PRR36: variants seen among roughly 807,000 people sequenced by gnomAD.
The protein encoded by PRR36 is proline rich 36.
Under a neutral mutation model 58.6 loss-of-function variants are expected in PRR36, and 30 were observed. That is an observed-to-expected ratio of 0.51 (90% CI 0.38 to 0.69). The LOEUF (loss-of-function observed/expected upper bound fraction) is 0.69, where lower values mean the gene tolerates loss of function less well. Among genes scored for constraint, PRR36 ranks in the 30% least tolerant of loss-of-function variants. The pLI, the probability that PRR36 is intolerant of heterozygous loss-of-function variation, is 0.00. For synonymous variants in PRR36, 771 were observed against 829.3 expected (o/e 0.93, Z 1.21); for missense variants, 1,692 against 1,805.6 (o/e 0.94, Z 1.14).
chr19:7,870,669 G>C lies in PRR36; in HGVS notation c.2575C>G (p.Pro859Ala). 7.2e-7 allele frequency: 1 copy of C among 1,384,132 alleles called. No homozygotes were observed. Among genetic ancestry groups the C allele is most frequent in the East Asian group, 2.7e-5 (1 of 36,550 alleles). 85.7% of individuals were successfully genotyped at this position (1,384,132 alleles called of 1,614,324 possible). ...AAAGGAGACAGAGGGGGTGAGGCAG[G>C]GGGAGAGGGAGGGGCCTGCAGAGGA... ...LPPLQAPPSP[P>A]ASPPLSPLAT... The change falls in exon 5 of 6, where the codon CCT becomes GCT. Residue 859 changes from proline to alanine, a missense_variant. Coordinates refer to ENST00000618550, the MANE Select transcript of PRR36 (RefSeq NM_001190467.2).
In PRR36 at chr19:7,873,205, C is replaced by T; in HGVS notation, c.366G>A (p.Gly122=). The T allele has an allele frequency of 6.5e-7, 1 of 1,535,956 alleles. No homozygotes were observed. The highest frequency in any genetic ancestry group is 1.2e-5 in the South Asian group (1 of 84,058). ...GAGAGGGAGCAGGTTACCTGGTGGT[C>T]CCGCTGGCACGCCCTGGGCTAGAAA... The part of the protein sequence containing the change: ...GPVSSPGRAS[G]TTRPGPLGQK... Residue 122 remains glycine (G), a synonymous_variant, in exon 3 of 6, where the codon GGG becomes GGA. Transcript: ENST00000618550. This position sits in a 1 kb window ranked among gnomAD's most constrained non-coding sequence, Gnocchi z 5.0.
At position 7,869,699 on chromosome 19, in the gene PRR36, CT is replaced by C; in HGVS notation, c.3529+15del. On this transcript the variant is annotated intron_variant, in intron 5 of 5. Transcript: ENST00000618550. Reference sequence around the variant, plus strand: ...GACCCCGCCCACAGCCAGGCCGGGTCTGGGGTGCCCCTTACCTGGGGCTCCG... The same window carrying C: ...GACCCCGCCCACAGCCAGGCCGGGTCGGGGTGCCCCTTACCTGGGGCTCCG... 4 of 1,354,524 alleles carry C rather than the reference CT, an allele frequency of 3.0e-6. No individual in the cohort carries two copies. Among genetic ancestry groups the C allele is most frequent in the Non-Finnish European group, 3.8e-6 (4 of 1,057,698 alleles). The allele number at this position is 1,354,524 out of a possible 1,614,324, so 83.9% of individuals were successfully genotyped here. A position where few individuals can be genotyped will look rare whatever the true frequency, so the allele number is the denominator to read the frequency against.
chr19:7,871,589 G>C lies in PRR36; in HGVS notation c.1655C>G (p.Ser552Cys). Residue 552 changes from serine to cysteine, a missense_variant, in exon 5 of 6, where the codon TCT becomes TGT. Coordinates refer to ENST00000618550, the MANE Select transcript of PRR36 (RefSeq NM_001190467.2). Reference protein sequence around the residue: ...SLQDPPLVSPSLLASPPLQAP... With the variant: ...SLQDPPLVSPCLLASPPLQAP... ...CTGCAGAGGCGGTGAGGCCAAAAGA[G>C]AGGGAGAAACTAGAGGAGGATCCTG... 1 of 1,535,964 alleles carries C rather than the reference G, an allele frequency of 6.5e-7. No individual in the cohort carries two copies. Among genetic ancestry groups the C allele is most frequent in the Non-Finnish European group, 8.7e-7 (1 of 1,146,872 alleles).
Position 7,873,401 on chromosome 19 carries a change from G to C in PRR36, c.271+18C>G. 6.6e-7 allele frequency: 1 copy of C among 1,522,420 alleles called. No individual in the cohort carries two copies. The highest frequency in any genetic ancestry group is 1.2e-5 in the South Asian group (1 of 82,800). 94.3% of individuals were successfully genotyped at this position (1,522,420 alleles called of 1,614,324 possible). A position where few individuals can be genotyped will look rare whatever the true frequency, so the allele number is the denominator to read the frequency against. ...GGAGGGAAGATGGGGGCGGAGCTGA[G>C]GAAGGAGGCTGGGGTACCAGGGTTT... On this transcript the variant is annotated intron_variant, in intron 2 of 5. Coordinates refer to ENST00000618550, the MANE Select transcript of PRR36 (RefSeq NM_001190467.2). This position sits in a 1 kb window ranked among gnomAD's most constrained non-coding sequence, Gnocchi z 5.0.
rs895485353 is a variant in PRR36 at position 7,872,143 on chromosome 19, G to A, written c.1101C>T (p.Ala367=). The change falls in exon 5 of 6, where the codon GCC becomes GCT. Residue 367 remains alanine, a synonymous_variant. Transcript: ENST00000618550. The surrounding 1 kb of genome is among the most constrained non-coding windows in gnomAD (Gnocchi z 6.1). ...PHSSSLTCQL[A]TPLPLAPPSP... is the part of the protein sequence containing the mutation. ...AAGGAGGGGCTAGAGGAAGGGGCGTGGCCAACTGACAGGTAAGGCTCGACG... is the reference window on the plus strand; with the variant it reads ...AAGGAGGGGCTAGAGGAAGGGGCGTAGCCAACTGACAGGTAAGGCTCGACG... The A allele has an allele frequency of 4.5e-5, 67 of 1,501,816 alleles. No individual in the cohort carries two copies. The highest frequency in any genetic ancestry group is 5.8e-5 in the Non-Finnish European group (66 of 1,129,084). 93.0% of individuals were successfully genotyped at this position (1,501,816 alleles called of 1,614,324 possible).
At position 7,869,040 on chromosome 19, in the gene PRR36, A is replaced by T. The variant is rs1980238950; in HGVS notation, c.4034T>A (p.Phe1345Tyr). ...GDWTVVEVET[F>Y]H ...GCGGGGCTGTGGTCTGGCTCAGTGG[A>T]AGGTCTCCACCTCCACCACGGTCCA... Residue 1345 changes from phenylalanine to tyrosine, a missense_variant, in exon 6 of 6, where the codon TTC becomes TAC. Coordinates refer to ENST00000618550, the MANE Select transcript of PRR36 (RefSeq NM_001190467.2). 6.6e-7 allele frequency: 1 copy of T among 1,518,336 alleles called. No homozygotes were observed. Among genetic ancestry groups the T allele is most frequent in the African/African-American group, 1.4e-5 (1 of 71,726 alleles). 94.1% of individuals were successfully genotyped at this position (1,518,336 alleles called of 1,614,324 possible). A position where few individuals can be genotyped will look rare whatever the true frequency, so the allele number is the denominator to read the frequency against.
At position 7,872,747 on chromosome 19, in the gene PRR36, C is replaced by G; in HGVS notation, c.497G>C (p.Gly166Ala). The G allele has an allele frequency of 1.4e-6, 2 of 1,464,132 alleles. No individual in the cohort carries two copies. Among genetic ancestry groups the G allele is most frequent in the Non-Finnish European group, 1.8e-6 (2 of 1,111,682 alleles). The allele number at this position is 1,464,132 out of a possible 1,614,324, so 90.7% of individuals were successfully genotyped here. The change falls in exon 5 of 6, where the codon GGG (glycine) becomes GCG (alanine). Residue 166 changes from glycine to alanine, a missense_variant. Physicochemically the swap from Gly to Ala is moderately conservative, Grantham distance 60. Transcript: ENST00000618550. The surrounding 1 kb of genome is among the most constrained non-coding windows in gnomAD (Gnocchi z 6.1). The part of the protein sequence containing the change: ...LSAGARRDTS[G>A]PTPGTPSPAM... ...CGGGGACGGGGTTCCTGGGGTAGGCCCGGAAGTGTCTGGAGAAAAAGTAGA... is the reference window on the plus strand; with the variant it reads ...CGGGGACGGGGTTCCTGGGGTAGGCGCGGAAGTGTCTGGAGAAAAAGTAGA...
chr19:7,869,223 G>A lies in PRR36; in HGVS notation c.3851C>T (p.Ala1284Val). 6.6e-7 allele frequency: 1 copy of A among 1,521,142 alleles called. No homozygotes were observed. The highest frequency in any genetic ancestry group is 8.8e-7 in the Non-Finnish European group (1 of 1,140,710). 94.2% of individuals were successfully genotyped at this position (1,521,142 alleles called of 1,614,324 possible). ...GCCCCCTGTGACGCCACCACCCTCC[G>A]CACCTCCTGGGCCCCCGCCGCTGCC... ...AGGSGGGPGG[A>V]EGGGVTGGAR... is the part of the protein sequence containing the mutation. Residue 1284 changes from alanine (A) to valine (V), a missense_variant, in exon 6 of 6, where the codon GCG becomes GTG. By Grantham distance (64) the Ala-to-Val change is moderately conservative. Transcript: ENST00000618550.
chr19:7,871,134 A>G lies in PRR36; in HGVS notation c.2110T>C (p.Ser704Pro). 1 of 1,535,152 alleles carries G rather than the reference A, an allele frequency of 6.5e-7. No homozygotes were observed. The highest frequency in any genetic ancestry group is 8.7e-7 in the Non-Finnish European group (1 of 1,146,572). The change falls in exon 5 of 6, where the codon TCT becomes CCT. Residue 704 changes from serine (S) to proline (P), a missense_variant. By Grantham distance (74) the Ser-to-Pro change is moderately conservative. Around this residue, in one of 5 missense-constraint regions of PRR36, gnomAD observed 975 missense variants for 955.2 expected, o/e 1.02. Coordinates refer to ENST00000618550, the MANE Select transcript of PRR36 (RefSeq NM_001190467.2). ...LASHSPQAPL[S>P]SLIMPPLETQ... ...TCCAGAGGGGGCATGATCAGGGAAG[A>G]GAGAGGTGCCTGAGGAGAGTGGGAG...
At position 7,869,039 on chromosome 19, in the gene PRR36, G is replaced by A. The variant is rs1178766542; in HGVS notation, c.4035C>T (p.Phe1345=). The change falls in exon 6 of 6, where the codon TTC becomes TTT. Residue 1345 remains phenylalanine, a synonymous_variant. Transcript: ENST00000618550. The part of the protein sequence containing the change: ...GDWTVVEVET[F]H The stretch of plus-strand genomic sequence containing the variant: ...GGCGGGGCTGTGGTCTGGCTCAGTG[G>A]AAGGTCTCCACCTCCACCACGGTCC... 7 of 1,519,142 alleles carry A rather than the reference G, an allele frequency of 4.6e-6. No homozygotes were observed. The highest frequency in any genetic ancestry group is 2.0e-5 in the Admixed American group (1 of 49,516). 94.1% of individuals were successfully genotyped at this position (1,519,142 alleles called of 1,614,324 possible). A position where few individuals can be genotyped will look rare whatever the true frequency, so the allele number is the denominator to read the frequency against.
rs1219643891 is a variant in PRR36 at position 7,871,154 on chromosome 19, T to C, written c.2090A>G (p.His697Arg). Reference sequence around the variant, plus strand: ...GGAAGAGAGAGGTGCCTGAGGAGAGTGGGAGGCCAGAGAAGATAGCGCCTG... The same window carrying C: ...GGAAGAGAGAGGTGCCTGAGGAGAGCGGGAGGCCAGAGAAGATAGCGCCTG... ...PLQALSSLAS[H>R]SPQAPLSSLI... The change falls in exon 5 of 6, where the codon CAC becomes CGC. Residue 697 changes from histidine (H) to arginine (R), a missense_variant. This residue lies in a region of PRR36 where 975 missense variants were observed against 955.2 expected (regional missense o/e 1.02). Coordinates refer to ENST00000618550, the MANE Select transcript of PRR36 (RefSeq NM_001190467.2). The C allele has an allele frequency of 6.6e-7, 1 of 1,519,680 alleles. No individual in the cohort carries two copies. The highest frequency in any genetic ancestry group is 2.0e-5 in the Admixed American group (1 of 49,264). 94.1% of individuals were successfully genotyped at this position (1,519,680 alleles called of 1,614,324 possible).
chr19:7,873,058 G>A lies in PRR36; in HGVS notation c.375-97C>T. The A allele has an allele frequency of 7.5e-7, 1 of 1,331,398 alleles. No individual in the cohort carries two copies. 82.5% of individuals were successfully genotyped at this position (1,331,398 alleles called of 1,614,324 possible). ...TGAAATGGGCATGTGCCCTCTCTGA[G>A]GACCAATAATGGCTTTCACCCAATT... is the stretch of plus-strand genomic sequence containing the variant. On this transcript the variant is annotated intron_variant, in intron 3 of 5. Transcript: ENST00000618550. The surrounding 1 kb of genome is among the most constrained non-coding windows in gnomAD (Gnocchi z 5.0).
Position 7,870,871 on chromosome 19 carries a change from C to T in PRR36, c.2373G>A (p.Leu791=), listed in dbSNP as rs1316400692. 1 of 1,443,342 alleles carries T rather than the reference C, an allele frequency of 6.9e-7. No homozygotes were observed. The highest frequency in any genetic ancestry group is 9.0e-7 in the Non-Finnish European group (1 of 1,105,198). The allele number at this position is 1,443,342 out of a possible 1,614,324, so 89.4% of individuals were successfully genotyped here. A position where few individuals can be genotyped will look rare whatever the true frequency, so the allele number is the denominator to read the frequency against. The part of the protein sequence containing the change: ...ETPPCPAPCP[L]QAPPSPLTTP... ...TGGTCAATGGCGAAGGTGGTGCTTG[C>T]AGAGGGCATGGGGCTGGACAAGGTG... Residue 791 remains leucine (L), a synonymous_variant, in exon 5 of 6, where the codon CTG becomes CTA. Transcript: ENST00000618550.
rs11880731 is a variant in PRR36 at position 7,872,520 on chromosome 19, G to A, written c.724C>T (p.Leu242=). The change falls in exon 5 of 6, where the codon CTG becomes TTG. Residue 242 remains leucine, a synonymous_variant. Coordinates refer to ENST00000618550, the MANE Select transcript of PRR36 (RefSeq NM_001190467.2). The surrounding 1 kb of genome is among the most constrained non-coding windows in gnomAD (Gnocchi z 6.1). ...GAGAGAGGGGTGGCGCTGGAGCTCAGGGAGCGCGAGGCCGGCCTCTGGAGA... is the reference window on the plus strand; with the variant it reads ...GAGAGAGGGGTGGCGCTGGAGCTCAAGGAGCGCGAGGCCGGCCTCTGGAGA... ...GGLQRPASRS[L]SSSATPLSSP... 36 of 1,506,676 alleles carry A rather than the reference G, an allele frequency of 2.4e-5. No homozygotes were observed. In the African/African-American group the frequency reaches 4.2e-4, roughly 18 times the overall value. The allele number at this position is 1,506,676 out of a possible 1,614,324, so 93.3% of individuals were successfully genotyped here. A position where few individuals can be genotyped will look rare whatever the true frequency, so the allele number is the denominator to read the frequency against.
chr19:7,869,986 A>T lies in PRR36; in HGVS notation c.3258T>A (p.Asp1086Glu). Reference protein sequence around the residue: ...APRRPPTPGPDTSVSGPRLTL... With the variant: ...APRRPPTPGPETSVSGPRLTL... ...TCAGCCGTGGGCCCGAGACGGAGGTATCCGGACCCGGGGTCGGGGGGCGGC... is the reference window on the plus strand; with the variant it reads ...TCAGCCGTGGGCCCGAGACGGAGGTTTCCGGACCCGGGGTCGGGGGGCGGC... Residue 1086 changes from aspartate (D) to glutamate (E), a missense_variant, in exon 5 of 6, where the codon GAT (aspartate) becomes GAA (glutamate). By Grantham distance (45) the Asp-to-Glu change is conservative. Around this residue, in one of 5 missense-constraint regions of PRR36, gnomAD observed 485 missense variants for 549.2 expected, o/e 0.88. Coordinates refer to ENST00000618550, the MANE Select transcript of PRR36 (RefSeq NM_001190467.2). 7.1e-7 allele frequency: 1 copy of T among 1,402,032 alleles called. No individual in the cohort carries two copies. The highest frequency in any genetic ancestry group is 9.2e-7 in the Non-Finnish European group (1 of 1,085,394). 86.8% of individuals were successfully genotyped at this position (1,402,032 alleles called of 1,614,324 possible).
rs1356543354 is a variant in PRR36, at chr19:7,868,791, G to A, written c.*242C>T. On this transcript the variant is annotated 3_prime_UTR_variant, in exon 6 of 6. Transcript: ENST00000618550. ...GTGGGCAATACACTGCACACGGGGC[G>A]GGACTCGGGGAAACGGGGCGTGTCC... is the stretch of plus-strand genomic sequence containing the variant. 2 of 474,220 alleles carry A rather than the reference G, an allele frequency of 4.2e-6. No homozygotes were observed. The highest frequency in any genetic ancestry group is 7.4e-6 in the Non-Finnish European group (2 of 269,900). 29.4% of individuals were successfully genotyped at this position (474,220 alleles called of 1,614,324 possible).
chr19:7,869,608 G>C, intron 5 of PRR36, 64 bp from the exon 6 acceptor site: 1 of 1,483,736 alleles, frequency 6.7e-7, no homozygotes, highest in South Asian at 1.3e-5. Flanking sequence ...TCAAGGTCCC[G>C]CCTCCTTGTC....
rs1377888610 is a variant in PRR36 at position 7,871,869 on chromosome 19, A to G, written c.1375T>C (p.Ser459Pro). 2 of 1,535,914 alleles carry G rather than the reference A, an allele frequency of 1.3e-6. No individual in the cohort carries two copies. The change falls in exon 5 of 6, where the codon TCA becomes CCA. Residue 459 changes from serine (S) to proline (P), a missense_variant. Coordinates refer to ENST00000618550, the MANE Select transcript of PRR36 (RefSeq NM_001190467.2). Reference protein sequence around the residue: ...LLSPLATPPLSAMSPLQGPVS... With the variant: ...LLSPLATPPLPAMSPLQGPVS... ...GGGCCTTGTAGAGGAGACATGGCTG[A>G]CAGAGGAGGTGTGGCCAAGGGAGAG... is the stretch of plus-strand genomic sequence containing the variant.
intron 5 of PRR36, 79 bp from the exon 6 acceptor site, chr19:7,869,623 C>A: frequency 6.8e-7 from 1 of 1,465,618 alleles, no homozygotes; most frequent in Admixed American, 2.3e-5. Context: ...CTTGTCTAAG[C>A]TCCGCCCCGG....
Sources: gnomAD v4.1 joint callset for allele counts on GRCh38, gnomAD v4.1.1 for gene constraint, gnomAD v4.1.1 regional missense constraint, Gnocchi (gnomAD v3.1) non-coding constraint, MANE v1.5 for transcripts, NCBI Gene and HGNC (gene_info 2026-07-23, HGNC 2026-07-21) for gene names.